Variants in INPP5A observed in about 807,000 individuals in gnomAD.
The protein encoded by INPP5A is 43 kDa inositol polyphosphate 5-phophatase.
In INPP5A, 14 loss-of-function variants were observed where a neutral mutation model predicts 65.2. That is an observed-to-expected ratio of 0.21 (90% confidence interval 0.14 to 0.34). The LOEUF (loss-of-function observed/expected upper bound fraction) is 0.34, where lower values mean the gene tolerates loss of function less well. Among genes scored for constraint, INPP5A ranks in the 10% least tolerant of loss-of-function variants. The pLI, the probability that INPP5A is intolerant of heterozygous loss-of-function variation, is 1.00. For synonymous variants in INPP5A, 207 were observed against 208.3 expected (o/e 0.99, Z 0.05); for missense variants, 431 against 545.6 (o/e 0.79, Z 2.09).
At position 132,762,990 on chromosome 10, in the gene INPP5A, A is replaced by G. The variant is rs577218125; in HGVS notation, c.904-2783A>G. Among the ~76,000 whole-genome samples the G allele has an allele frequency of 6.6e-6, 1 of 152,342 alleles. No homozygotes were observed. The highest frequency in any genetic ancestry group is 2.1e-4 in the South Asian group (1 of 4,830). On this transcript the variant is annotated intron_variant, in intron 11 of 15. Transcript: ENST00000368594. The surrounding 1 kb of genome is among the most constrained non-coding windows in gnomAD (Gnocchi z 4.6). Reference sequence around the variant, plus strand: ...GGTGACAGAGGGAGACTCTGTTTCAATAAATAAATAAATAACTTAAAAACC... The same window carrying G: ...GGTGACAGAGGGAGACTCTGTTTCAGTAAATAAATAAATAACTTAAAAACC...
At chr10:132,729,022 T>TG (rs1846035898) in intron 9 of INPP5A, among the ~76,000 whole-genome samples, 1 of 143,128 alleles carries the variant, frequency 7.0e-6, no homozygotes, top group Non-Finnish European at 1.5e-5. Context: ...TCAGCAGGCG[T>TG]GGGGGGCCTG....
chr10:132,726,851 C>A lies in INPP5A; in HGVS notation c.678C>A (p.Ser226=). ...RIIDQRFEKV[S]YFVFGDFNFR... is the part of the protein sequence containing the mutation. Reference sequence around the variant, plus strand: ...TTGATCAGCGATTCGAGAAGGTTTCCTACTTTGTATTTGGTGATTTCAACT... The same window carrying A: ...TTGATCAGCGATTCGAGAAGGTTTCATACTTTGTATTTGGTGATTTCAACT... Residue 226 remains serine (S), a synonymous_variant, in exon 9 of 16, where the codon TCC becomes TCA. Coordinates refer to ENST00000368594, the MANE Select transcript of INPP5A (RefSeq NM_005539.5). The A allele has an allele frequency of 1.9e-6, 3 of 1,608,876 alleles. No homozygotes were observed. The highest frequency in any genetic ancestry group is 2.6e-6 in the Non-Finnish European group (3 of 1,176,400).
intron 4 of INPP5A, among the ~76,000 whole-genome samples, chr10:132,666,233 TAGTC>T (rs1160089922): frequency 6.6e-6 from 1 of 152,160 alleles, no homozygotes; most frequent in Non-Finnish European, 1.5e-5. Flanking sequence ...GAGTAATTCA[TAGTC>T]AGGGATATTT....
chr10:132,612,608 C>T (rs958187851), intron 2 of INPP5A, among the ~76,000 whole-genome samples: 1 of 152,104 alleles, frequency 6.6e-6, no homozygotes, highest in Non-Finnish European at 1.5e-5. Flanking sequence ...GGCTGAGGCC[C>T]GGTTCCCCTG....
intron 11 of INPP5A, among the ~76,000 whole-genome samples, chr10:132,756,309 ATG>A (rs1291833578): frequency 2.6e-5 from 4 of 151,492 alleles, no homozygotes; most frequent in South Asian, 2.1e-4. Flanking sequence ...TGTGTGGTGT[ATG>A]TGTGTATGCA....
At chr10:132,743,970 T>G (rs529792346) in intron 9 of INPP5A, among the ~76,000 whole-genome samples, 14 of 152,328 alleles carry the variant, frequency 9.2e-5, no homozygotes, top group African/African-American at 2.9e-4. Context: ...GAGGAAGTTT[T>G]TGTTATGAGA....
Position 132,645,856 on chromosome 10 carries a change from C to T in INPP5A, c.118-12C>T. The T allele has an allele frequency of 1.2e-6, 2 of 1,604,940 alleles. No individual in the cohort carries two copies. Among genetic ancestry groups the T allele is most frequent in the South Asian group, 1.1e-5 (1 of 90,302 alleles). ...CTCCGACGACCCTGACAGTGTGCTTCTCTCCCTCCAGGTCGTGCACACACA... is the reference window on the plus strand; with the variant it reads ...CTCCGACGACCCTGACAGTGTGCTTTTCTCCCTCCAGGTCGTGCACACACA... On this transcript the variant is annotated splice_polypyrimidine_tract_variant and intron_variant, in intron 2 of 15. Transcript: ENST00000368594.
chr10:132,720,123 C>T (rs552913120), intron 8 of INPP5A, among the ~76,000 whole-genome samples: 1 of 147,506 alleles, frequency 6.8e-6, no homozygotes, highest in South Asian at 2.2e-4. Context: ...TGGGTTCTGT[C>T]CGGGCACCTT....
rs576287420 is a variant in INPP5A at position 132,726,988 on chromosome 10, T to G, written c.732+83T>G. On this transcript the variant is annotated intron_variant, in intron 9 of 15. Transcript: ENST00000368594. The stretch of plus-strand genomic sequence containing the variant: ...CAGTGGAAGGAGCGTGGCCCCTTAC[T>G]GGCACTTTCAATGCCATCCGCCTCC... The G allele has an allele frequency of 9.8e-6, 9 of 915,066 alleles. No homozygotes were observed. In the Admixed American group the frequency reaches 2.1e-4, roughly 22 times the overall value. The allele number at this position is 915,066 out of a possible 1,614,324, so 56.7% of individuals were successfully genotyped here.
intron 1 of INPP5A, among the ~76,000 whole-genome samples, chr10:132,562,626 G>T (rs1040128733): frequency 6.6e-6 from 1 of 152,272 alleles, no homozygotes; most frequent in Non-Finnish European, 1.5e-5. Context: ...CACGAGTGTG[G>T]CCAGTATGAA....
At chr10:132,689,211 G>T (rs1359637289) in intron 4 of INPP5A, among the ~76,000 whole-genome samples, 1 of 152,240 alleles carries the variant, frequency 6.6e-6, no homozygotes, top group Non-Finnish European at 1.5e-5. Context: ...GCCCTGTTCA[G>T]AATGCAGAGT....
At chr10:132,745,562 C>CTGGCACTGGCCCCAGCCCGGGCCTCGGG (rs71013546) in intron 9 of INPP5A, among the ~76,000 whole-genome samples, 25,306 of 150,830 alleles carry the variant, frequency 0.17, 2,572 homozygotes, top group Non-Finnish European at 0.23. Flanking sequence ...CATGTCACGG[C>CTGGCACTGGCCCCAGCCCGGGCCTCGGG]TGGCACTGGC....
chr10:132,694,409 A>G (rs191624083), intron 5 of INPP5A, among the ~76,000 whole-genome samples: 4 of 152,342 alleles, frequency 2.6e-5, no homozygotes, highest in South Asian at 4.1e-4. Context: ...TCAAATGCAT[A>G]TAAGAAAGAG....
chr10:132,726,877 TC>T lies in INPP5A; in HGVS notation c.706del (p.Arg236GlyfsTer29). 1 of 1,610,246 alleles carries T rather than the reference TC, an allele frequency of 6.2e-7. No individual in the cohort carries two copies. Among genetic ancestry groups the T allele is most frequent in the Non-Finnish European group, 8.5e-7 (1 of 1,177,106 alleles). On this transcript the variant is annotated frameshift_variant, in exon 9 of 16. Coordinates refer to ENST00000368594, the MANE Select transcript of INPP5A (RefSeq NM_005539.5). LOFTEE classifies it high-confidence loss of function. ...VSYFVFGDFN[F>X]RLDSKSVVET... is the part of the protein sequence containing the mutation. Reference sequence around the variant, plus strand: ...TACTTTGTATTTGGTGATTTCAACTTCCGGCTGGATTCCAAGTCCGTCGTGG... The same window carrying T: ...TACTTTGTATTTGGTGATTTCAACTTCGGCTGGATTCCAAGTCCGTCGTGG...
intron 9 of INPP5A, among the ~76,000 whole-genome samples, chr10:132,730,267 C>T (rs1846060289): frequency 6.6e-6 from 1 of 152,350 alleles, no homozygotes; most frequent in Non-Finnish European, 1.5e-5. Context: ...CTGGGCTCCA[C>T]GGGGTGCATC....
rs909072719 is a variant in INPP5A at position 132,545,066 on chromosome 10, C to T, written c.75+6895C>T. The stretch of plus-strand genomic sequence containing the variant: ...GTCACGTCCGTCCCTGTTGCCTGCG[C>T]TGCTCCGAGAAGCCCCACTCTGACC... On this transcript the variant is annotated intron_variant, in intron 1 of 15. Transcript: ENST00000368594. The surrounding 1 kb of genome is among the most constrained non-coding windows in gnomAD (Gnocchi z 4.6). Among the ~76,000 whole-genome samples, 6 of 152,150 alleles carry T rather than the reference C, an allele frequency of 3.9e-5. No homozygotes were observed. The highest frequency in any genetic ancestry group is 7.3e-5 in the Non-Finnish European group (5 of 68,032).
chr10:132,588,941 G>A (rs891468683), intron 1 of INPP5A, among the ~76,000 whole-genome samples: 1 of 151,258 alleles, frequency 6.6e-6, no homozygotes, highest in African/African-American at 2.4e-5. Flanking sequence ...TGTCGCCATC[G>A]CTGGTCACTG....
At position 132,575,405 on chromosome 10, in the gene INPP5A, G is replaced by A. The variant is rs1394726003; in HGVS notation, c.76-32510G>A. On this transcript the variant is annotated intron_variant, in intron 1 of 15. Transcript: ENST00000368594. The surrounding 1 kb of genome is among the most constrained non-coding windows in gnomAD (Gnocchi z 5.4). Reference sequence around the variant, plus strand: ...CGCAGCTCACAGGGTCAGGATGGGAGGGGAGTACAGGCTGAGGCACCAGGC... The same window carrying A: ...CGCAGCTCACAGGGTCAGGATGGGAAGGGAGTACAGGCTGAGGCACCAGGC... Among the ~76,000 whole-genome samples, 1 of 152,174 alleles carries A rather than the reference G, an allele frequency of 6.6e-6. No homozygotes were observed. The highest frequency in any genetic ancestry group is 1.9e-4 in the East Asian group (1 of 5,198).
chr10:132,670,737 A>G (rs2072879152), intron 4 of INPP5A, among the ~76,000 whole-genome samples: 1 of 151,528 alleles, frequency 6.6e-6, no homozygotes, highest in Non-Finnish European at 1.5e-5. Context: ...CACCCCTGTG[A>G]GCAAACAGGC....
Sources: gnomAD v4.1 joint callset for allele counts (sites outside exome capture counted in the v4.1 genomes callset) on GRCh38, gnomAD v4.1.1 for gene constraint, Gnocchi (gnomAD v3.1) non-coding constraint, MANE v1.5 for transcripts, NCBI Gene and HGNC (gene_info 2026-07-23, HGNC 2026-07-21) for gene names.